ST8SIA6: variants seen among roughly 807,000 people sequenced by gnomAD.
ST8SIA6 encodes the protein ST8 alpha-N-acetyl-neuraminide alpha-2,8-sialyltransferase 6.
In ST8SIA6, 39 loss-of-function variants were observed where a neutral mutation model predicts 33.6. That is an observed-to-expected ratio of 1.16 (90% CI 0.90 to 1.52). The LOEUF (loss-of-function observed/expected upper bound fraction) is 1.52, where lower values mean the gene tolerates loss of function less well. Among genes scored for constraint, ST8SIA6 ranks in the 40% most tolerant of loss-of-function variants. ST8SIA6 has a pLI of 0.00. For synonymous variants in ST8SIA6, 172 were observed against 167.2 expected (o/e 1.03, Z -0.22); for missense variants, 441 against 443.8 (o/e 0.99, Z 0.06).
At chr10:17,401,088 G>T (rs1343510247) in intron 2 of ST8SIA6, among the ~76,000 whole-genome samples, 2 of 152,048 alleles carry the variant, frequency 1.3e-5, no homozygotes, top group Non-Finnish European at 2.9e-5. Context: ...AAAGTCTCAG[G>T]ATACAAAATC....
chr10:17,348,965 C>A (rs1848943495), intron 4 of ST8SIA6, among the ~76,000 whole-genome samples: 1 of 152,122 alleles, frequency 6.6e-6, no homozygotes, highest in Non-Finnish European at 1.5e-5. Flanking sequence ...GATTAATTTT[C>A]AGGGAATTCA....
intron 4 of ST8SIA6, among the ~76,000 whole-genome samples, chr10:17,341,530 T>G (rs1377713944): frequency 6.6e-6 from 1 of 152,062 alleles, no homozygotes; most frequent in Non-Finnish European, 1.5e-5. Context: ...AGCCCCAGTA[T>G]GATGGTATTA....
At chr10:17,444,301 C>T (rs999547621) in intron 2 of ST8SIA6, among the ~76,000 whole-genome samples, 1 of 152,164 alleles carries the variant, frequency 6.6e-6, no homozygotes, top group Non-Finnish European at 1.5e-5. Flanking sequence ...TGTGTGTAAA[C>T]GGTATTGTCT....
chr10:17,360,568 T>C (rs1436371881), intron 3 of ST8SIA6, among the ~76,000 whole-genome samples: 1 of 114,920 alleles, frequency 8.7e-6, no homozygotes, highest in Non-Finnish European at 1.7e-5. Context: ...GCATGAACTA[T>C]AGAACAAAGG....
chr10:17,347,964 A>C (rs1253524320), intron 4 of ST8SIA6, among the ~76,000 whole-genome samples: 1 of 151,314 alleles, frequency 6.6e-6, no homozygotes, highest in Non-Finnish European at 1.5e-5. Flanking sequence ...AAAAAAAAAA[A>C]AAAAAAAAAA....
At chr10:17,375,971 G>C (rs1045694382) in intron 3 of ST8SIA6, among the ~76,000 whole-genome samples, 1 of 152,166 alleles carries the variant, frequency 6.6e-6, no homozygotes, top group Non-Finnish European at 1.5e-5. Context: ...GACGCCTGGC[G>C]GATTACCACT....
intron 4 of ST8SIA6, among the ~76,000 whole-genome samples, chr10:17,335,911 A>G (rs1311863842): frequency 1.3e-5 from 2 of 152,120 alleles, no homozygotes; most frequent in Non-Finnish European, 2.9e-5. Context: ...AAAACACTAA[A>G]TCAGATTTCT....
chr10:17,320,876 G>A lies in ST8SIA6; in HGVS notation c.*2C>T. 6.2e-7 allele frequency: 1 copy of A among 1,613,198 alleles called. No homozygotes were observed. The highest frequency in any genetic ancestry group is 8.5e-7 in the Non-Finnish European group (1 of 1,179,322). Reference sequence around the variant, plus strand: ...AATTATTCCCATTTTAAGATACTTTGTTTAGGCGACTTCACATTTGCTAAA... The same window carrying A: ...AATTATTCCCATTTTAAGATACTTTATTTAGGCGACTTCACATTTGCTAAA... On this transcript the variant is annotated 3_prime_UTR_variant, in exon 8 of 8. Transcript: ENST00000377602.
At chr10:17,364,115 T>G (rs17140816) in intron 3 of ST8SIA6, among the ~76,000 whole-genome samples, 4,850 of 152,298 alleles carry the variant, frequency 0.032, 260 homozygotes, top group African/African-American at 0.11. Flanking sequence ...AAGCAGAGAT[T>G]GTTTTGCAAT....
intron 2 of ST8SIA6, among the ~76,000 whole-genome samples, chr10:17,392,618 T>G (rs969815587): frequency 6.6e-6 from 1 of 152,034 alleles, no homozygotes; most frequent in Non-Finnish European, 1.5e-5. Flanking sequence ...TGAAGAGCCA[T>G]GGGGTGATTG....
intron 2 of ST8SIA6, among the ~76,000 whole-genome samples, chr10:17,431,516 C>T (rs1852100629): frequency 6.6e-6 from 1 of 152,024 alleles, no homozygotes; most frequent in South Asian, 2.1e-4. Flanking sequence ...ATATAGCCCG[C>T]CTGGGCTATG....
chr10:17,381,838 C>A (rs1588865894), intron 3 of ST8SIA6, among the ~76,000 whole-genome samples: 2 of 152,186 alleles, frequency 1.3e-5, no homozygotes, highest in East Asian at 3.8e-4. Flanking sequence ...AACTTCTAAT[C>A]CTGTGGCTTT....
intron 2 of ST8SIA6, among the ~76,000 whole-genome samples, chr10:17,424,221 A>G (rs529281674): frequency 1.5e-4 from 23 of 151,058 alleles, no homozygotes; most frequent in African/African-American, 5.4e-4. Context: ...CTCGTGCTTC[A>G]GCTTCCTGAG....
intron 3 of ST8SIA6, among the ~76,000 whole-genome samples, chr10:17,385,773 A>G (rs1200752530): frequency 1.3e-5 from 2 of 152,200 alleles, no homozygotes; most frequent in Admixed American, 1.3e-4. Flanking sequence ...ATACCTCCCT[A>G]AAATGTATAA....
intron 4 of ST8SIA6, among the ~76,000 whole-genome samples, chr10:17,351,935 G>T (rs1210184444): frequency 1.3e-5 from 2 of 152,010 alleles, no homozygotes; most frequent in East Asian, 3.9e-4. Context: ...TTTCAGTTGG[G>T]CAGAAAGAAT....
chr10:17,431,938 T>C (rs916050049), intron 2 of ST8SIA6, among the ~76,000 whole-genome samples: 2 of 151,218 alleles, frequency 1.3e-5, no homozygotes, highest in Admixed American at 6.6e-5. Context: ...CAGGAAAAAA[T>C]AGGGCAAAGA....
chr10:17,360,964 GAGA>G (rs796992217), intron 3 of ST8SIA6, among the ~76,000 whole-genome samples: 125 of 150,524 alleles, frequency 8.3e-4, no homozygotes, highest in African/African-American at 2.8e-3. Flanking sequence ...GGAGGAGGAG[GAGA>G]AGAAGAAGGA....
intron 2 of ST8SIA6, among the ~76,000 whole-genome samples, chr10:17,425,564 C>G (rs1285898884): frequency 6.9e-6 from 1 of 144,200 alleles, no homozygotes; most frequent in Admixed American, 7.1e-5. Flanking sequence ...GGGACCCTGT[C>G]AAAAGAAAGA....
At chr10:17,398,009 A>G (rs956583075) in intron 2 of ST8SIA6, among the ~76,000 whole-genome samples, 1 of 152,216 alleles carries the variant, frequency 6.6e-6, no homozygotes, top group Non-Finnish European at 1.5e-5. Flanking sequence ...TAGAGACTAC[A>G]ATGGCTACTG....
Sources: allele counts gnomAD v4.1 joint callset (sites outside exome capture counted in the v4.1 genomes callset), GRCh38; gene constraint gnomAD v4.1.1; transcripts MANE v1.5; gene names NCBI Gene and HGNC (gene_info 2026-07-23, HGNC 2026-07-21).